The following SPOCK3 variants were observed in gnomAD, a reference collection of about 807,000 sequenced individuals.
The protein encoded by SPOCK3 is SPARC (osteonectin), cwcv and kazal like domains proteoglycan 3, also known as testican-3.
SPOCK3 carries 30 observed loss-of-function variants against 56.6 expected under a neutral mutation model. The ratio of observed to expected loss-of-function variants is 0.53; its 90% CI spans 0.40 to 0.72. The LOEUF is 0.72. Ranked by LOEUF, SPOCK3 falls within the 30% of genes least tolerant of loss-of-function variation. The pLI is 0.00. For missense variants in SPOCK3, 527 were observed against 530.0 expected (o/e 0.99, Z 0.06); for synonymous variants, 196 against 183.3 (o/e 1.07, Z -0.56).
rs139561894 is a variant in SPOCK3, at chr4:167,128,310, C to G, written c.190-65773G>C. On this transcript the variant is annotated intron_variant, in intron 2 of 10. Coordinates refer to ENST00000357545, the MANE Select transcript of SPOCK3 (RefSeq NM_001040159.2). ...CAAAGTTAGTTCTTTTATTGCCAAACAAAGGCTTTTTACCCTTCATCTTAC... is the reference window on the plus strand; with the variant it reads ...CAAAGTTAGTTCTTTTATTGCCAAAGAAAGGCTTTTTACCCTTCATCTTAC... 5.7e-3 allele frequency among the ~76,000 whole-genome samples: 859 copies of G among 151,924 alleles called. 12 individuals are homozygous for G. Among genetic ancestry groups the G allele is most frequent in the African/African-American group, 0.02 (816 of 41,544 alleles).
chr4:166,934,840 GA>G, intron 4 of SPOCK3, among the ~76,000 whole-genome samples: 1 of 150,432 alleles, frequency 6.6e-6, no homozygotes, highest in South Asian at 2.1e-4. Flanking sequence ...GTACTTTGAA[GA>G]CAAACAAAGA....
intron 2 of SPOCK3, among the ~76,000 whole-genome samples, chr4:167,063,647 TTAAG>T (rs1481096254): frequency 6.6e-6 from 1 of 151,894 alleles, no homozygotes; most frequent in Non-Finnish European, 1.5e-5. Flanking sequence ...ATTGTTCCCA[TTAAG>T]TAATTTCTCA....
chr4:166,886,734 T>C (rs2126999989), intron 6 of SPOCK3, among the ~76,000 whole-genome samples: 1 of 152,298 alleles, frequency 6.6e-6, no homozygotes, highest in South Asian at 2.1e-4. Context: ...AGTTTATTCC[T>C]CACTTTTTCT....
intron 6 of SPOCK3, among the ~76,000 whole-genome samples, chr4:166,876,300 T>C (rs1163374047): frequency 2.6e-5 from 4 of 152,152 alleles, no homozygotes; most frequent in Non-Finnish European, 5.9e-5. Flanking sequence ...CGAATGTGAC[T>C]GGTGTTTTCT....
At chr4:167,086,015 A>T (rs1268621785) in intron 2 of SPOCK3, among the ~76,000 whole-genome samples, 1 of 152,098 alleles carries the variant, frequency 6.6e-6, no homozygotes. Context: ...ATGAGAAAGT[A>T]AATTATCGGT....
intron 4 of SPOCK3, among the ~76,000 whole-genome samples, chr4:166,946,154 C>T (rs4860004): frequency 8.6e-4 from 131 of 152,028 alleles, no homozygotes; most frequent in Non-Finnish European, 1.5e-3. Flanking sequence ...ATAAAAATGT[C>T]CCAGTTTGGA....
At position 166,838,994 on chromosome 4, in the gene SPOCK3, A is replaced by G. The variant is rs143799455; in HGVS notation, c.590-46705T>C. Among the ~76,000 whole-genome samples the G allele has an allele frequency of 9.3e-4, 142 of 151,928 alleles. 1 individual carries two copies. Among genetic ancestry groups the G allele is most frequent in the African/African-American group, 3.2e-3 (133 of 41,462 alleles). ...AAAATCTTTGTCATATAGTTCTAAC[A>G]TATCTATCTTATGAGGATTAGTGTC... On this transcript the variant is annotated intron_variant, in intron 6 of 10. Transcript: ENST00000357545.
At position 166,777,791 on chromosome 4, in the gene SPOCK3, G is replaced by A. The variant is rs146505784; in HGVS notation, c.709+14379C>T. On this transcript the variant is annotated intron_variant, in intron 7 of 10. Transcript: ENST00000357545. Reference sequence around the variant, plus strand: ...CATTTCTTAGACCAAAAAACCTGGGGTTAAATCCTAGCTCTACCATTTACT... The same window carrying A: ...CATTTCTTAGACCAAAAAACCTGGGATTAAATCCTAGCTCTACCATTTACT... Among the ~76,000 whole-genome samples, 1,010 of 152,238 alleles carry A rather than the reference G, an allele frequency of 6.6e-3. 4 individuals are homozygous for A. Among genetic ancestry groups the A allele is most frequent in the Non-Finnish European group, 0.011 (739 of 68,018 alleles).
At chr4:167,105,478 A>AC (rs1174871629) in intron 2 of SPOCK3, among the ~76,000 whole-genome samples, 7 of 150,760 alleles carry the variant, frequency 4.6e-5, no homozygotes, top group African/African-American at 1.7e-4. Context: ...AAAAAAAAAA[A>AC]AACGAATCAT....
Position 167,192,791 on chromosome 4 carries a change from G to A in SPOCK3, c.189+41194C>T, listed in dbSNP as rs560972224. ...TGCTGCCTCCCGTAACTTTTGATACGTTGTGTTTCAATTTTCATTTGTTTC... is the reference window on the plus strand; with the variant it reads ...TGCTGCCTCCCGTAACTTTTGATACATTGTGTTTCAATTTTCATTTGTTTC... On this transcript the variant is annotated intron_variant, in intron 2 of 10. Coordinates refer to ENST00000357545, the MANE Select transcript of SPOCK3 (RefSeq NM_001040159.2). Among the ~76,000 whole-genome samples the A allele has an allele frequency of 9.6e-5, 14 of 145,328 alleles. 3 individuals carry two copies. The East Asian group carries it at 1.0e-3, about 11-fold the overall frequency.
chr4:166,741,221 A>G (rs1438961986), intron 9 of SPOCK3, among the ~76,000 whole-genome samples: 2 of 152,210 alleles, frequency 1.3e-5, no homozygotes, highest in African/African-American at 2.4e-5. Context: ...TGACAACCAA[A>G]TAAAGTCTGA....
At chr4:167,209,038 A>C (rs2111012854) in intron 2 of SPOCK3, among the ~76,000 whole-genome samples, 1 of 152,284 alleles carries the variant, frequency 6.6e-6, no homozygotes, top group East Asian at 1.9e-4. Context: ...AATATATTAT[A>C]ATTCAATTAT....
At chr4:167,059,897 C>T (rs1304577234) in intron 3 of SPOCK3, among the ~76,000 whole-genome samples, 6 of 150,780 alleles carry the variant, frequency 4.0e-5, no homozygotes, top group African/African-American at 1.2e-4. Context: ...TAAACTATCG[C>T]AAGAACAAAA....
intron 4 of SPOCK3, among the ~76,000 whole-genome samples, chr4:166,927,160 T>G (rs1739201444): frequency 1.3e-5 from 2 of 152,184 alleles, no homozygotes; most frequent in African/African-American, 4.8e-5. Flanking sequence ...TAATAATACT[T>G]TACAACCTGA....
At chr4:166,983,187 C>T (rs1283049649) in intron 4 of SPOCK3, among the ~76,000 whole-genome samples, 1 of 152,134 alleles carries the variant, frequency 6.6e-6, no homozygotes, top group African/African-American at 2.4e-5. Context: ...TTAATGACTA[C>T]TAATTTTAAT....
intron 6 of SPOCK3, among the ~76,000 whole-genome samples, chr4:166,855,749 G>A (rs993237764): frequency 6.6e-6 from 1 of 152,010 alleles, no homozygotes; most frequent in East Asian, 1.9e-4. Context: ...CAAATTTCTG[G>A]ACCCCTGTTT....
At chr4:167,156,465 C>T (rs1026805200) in intron 2 of SPOCK3, among the ~76,000 whole-genome samples, 8 of 152,138 alleles carry the variant, frequency 5.3e-5, no homozygotes, top group Admixed American at 2.0e-4. Flanking sequence ...AGCAATGATT[C>T]GAGCATGAGT....
At position 166,777,373 on chromosome 4, in the gene SPOCK3, T is replaced by C. The variant is rs908437207; in HGVS notation, c.709+14797A>G. ...AGCATGTAATGTGCCAGCATGTACA[T>C]GTATACCAGAGGCAGTTATTGCAAC... On this transcript the variant is annotated intron_variant, in intron 7 of 10. Coordinates refer to ENST00000357545, the MANE Select transcript of SPOCK3 (RefSeq NM_001040159.2). Among the ~76,000 whole-genome samples the C allele has an allele frequency of 3.3e-5, 5 of 152,280 alleles. No homozygotes were observed. In the East Asian group the frequency reaches 9.6e-4, roughly 29 times the overall value.
rs1005546392 is a variant in SPOCK3, at chr4:167,006,026, C to T, written c.236-5563G>A. ...AAAATTTCAAAATTCTATACACATC[C>T]GTTCTAAGCATTTGGATGGGATATT... On this transcript the variant is annotated intron_variant, in intron 3 of 10. Transcript: ENST00000357545. Among the ~76,000 whole-genome samples the T allele has an allele frequency of 5.9e-5, 9 of 151,948 alleles. No homozygotes were observed. In the East Asian group the frequency reaches 7.7e-4, roughly 13 times the overall value.
Sources: allele counts gnomAD v4.1 joint callset (sites outside exome capture counted in the v4.1 genomes callset), GRCh38; gene constraint gnomAD v4.1.1; transcripts MANE v1.5; gene names NCBI Gene and HGNC (gene_info 2026-07-23, HGNC 2026-07-21).